The following CDH7 variants were observed in gnomAD, a reference collection of about 807,000 sequenced individuals.
The protein encoded by CDH7 is cadherin-7.
CDH7 carries 25 observed loss-of-function variants against 71.8 expected under a neutral mutation model. The observed-to-expected ratio is 0.35, with a 90% CI of 0.25 to 0.49. The LOEUF is 0.49. CDH7 is among the 20% of genes least tolerant of loss of function. CDH7 has a pLI of 0.99. For synonymous variants in CDH7, 381 were observed against 363.8 expected (o/e 1.05, Z -0.54); for missense variants, 862 against 974.6 (o/e 0.88, Z 1.54).
intron 2 of CDH7, among the ~76,000 whole-genome samples, chr18:65,796,591 C>T (rs1459183142): frequency 2.0e-5 from 3 of 152,100 alleles, no homozygotes; most frequent in Non-Finnish European, 2.9e-5. Context: ...TAGAAGAGAT[C>T]TTTAAGACCC....
chr18:65,781,826 CTTTCTTTCT>C (rs1568181519), intron 2 of CDH7, among the ~76,000 whole-genome samples: 9 of 77,464 alleles, frequency 1.2e-4, no homozygotes, highest in African/African-American at 5.2e-4. Context: ...TTCCTTCTTT[CTTTCTTTCT>C]TTCTTTCTTT....
chr18:65,820,392 A>G (rs114034009), intron 4 of CDH7, among the ~76,000 whole-genome samples: 1,893 of 152,156 alleles, frequency 0.012, 35 homozygotes, highest in African/African-American at 0.043. Flanking sequence ...GTTCAGTCAT[A>G]TGATATTAAC....
intron 7 of CDH7, among the ~76,000 whole-genome samples, chr18:65,853,944 T>C (rs1380150499): frequency 8.9e-6 from 1 of 112,778 alleles, no homozygotes; most frequent in Non-Finnish European, 1.9e-5. Context: ...TATATATATA[T>C]ATATATATAT....
chr18:65,875,989 A>C (rs376655640), intron 11 of CDH7, among the ~76,000 whole-genome samples: 3 of 152,266 alleles, frequency 2.0e-5, no homozygotes, highest in East Asian at 3.9e-4. Flanking sequence ...AATTACATGA[A>C]ATTTGTAAAA....
rs144012234 is a variant in CDH7 at position 65,824,615 on chromosome 18, G to A, written c.794-29G>A. On this transcript the variant is annotated intron_variant, in intron 5 of 11. Coordinates refer to ENST00000397968, the MANE Select transcript of CDH7 (RefSeq NM_004361.5). Reference sequence around the variant, plus strand: ...TTTTTATTGGTTAGTTTGGTGTAACGTGTTCATTTCTTGCTTTGAATTTCA... The same window carrying A: ...TTTTTATTGGTTAGTTTGGTGTAACATGTTCATTTCTTGCTTTGAATTTCA... 1.1e-3 allele frequency: 1,609 copies of A among 1,461,248 alleles called. 8 individuals are homozygous for A. Among genetic ancestry groups the A allele is most frequent in the African/African-American group, 0.01 (725 of 70,508 alleles). The allele number at this position is 1,461,248 out of a possible 1,614,324, so 90.5% of individuals were successfully genotyped here.
At chr18:65,823,504 A>G (rs113817636) in intron 5 of CDH7, among the ~76,000 whole-genome samples, 4 of 152,018 alleles carry the variant, frequency 2.6e-5, no homozygotes, top group Admixed American at 6.6e-5. Context: ...AGCCAGGGAT[A>G]TACCATTGTT....
intron 6 of CDH7, among the ~76,000 whole-genome samples, chr18:65,839,601 G>T (rs559778200): frequency 1.3e-5 from 2 of 152,300 alleles, no homozygotes; most frequent in Admixed American, 1.3e-4. Context: ...GCATGTTAAA[G>T]ATATGTGTGT....
intron 6 of CDH7, among the ~76,000 whole-genome samples, chr18:65,827,705 A>AAT (rs1912183897): frequency 6.6e-6 from 1 of 151,888 alleles, no homozygotes. Flanking sequence ...TAATGTGGAG[A>AAT]ATATATATAC....
At chr18:65,778,623 TAAG>T (rs1426597931) in intron 2 of CDH7, among the ~76,000 whole-genome samples, 1 of 149,722 alleles carries the variant, frequency 6.7e-6, no homozygotes, top group African/African-American at 2.5e-5. Context: ...TTTATCATAT[TAAG>T]AAAAATGGAT....
intron 2 of CDH7, among the ~76,000 whole-genome samples, chr18:65,800,470 G>C (rs766788098): frequency 1.3e-5 from 2 of 152,132 alleles, no homozygotes; most frequent in Non-Finnish European, 2.9e-5. Flanking sequence ...TTGTGTGCTG[G>C]TGGTGTTTCT....
intron 2 of CDH7, among the ~76,000 whole-genome samples, chr18:65,801,497 A>G (rs1911123167): frequency 6.6e-6 from 1 of 152,230 alleles, no homozygotes; most frequent in Admixed American, 6.5e-5. Context: ...TTTTCTAAAT[A>G]AATATTACCG....
chr18:65,860,828 A>G (rs80196288), intron 10 of CDH7, among the ~76,000 whole-genome samples: 1 of 152,184 alleles, frequency 6.6e-6, no homozygotes, highest in Admixed American at 6.5e-5. Flanking sequence ...AAAAATTTCA[A>G]TCTCAAAAAA....
At chr18:65,778,526 ACTCTTTTTTTTTTTT>A (rs908252300) in intron 2 of CDH7, among the ~76,000 whole-genome samples, 6 of 57,718 alleles carry the variant, frequency 1.0e-4, no homozygotes, top group African/African-American at 6.8e-4. Context: ...CAGGCGTCTC[ACTCTTTTTTTTTTTT>A]TTTTTTTTAC....
intron 6 of CDH7, among the ~76,000 whole-genome samples, chr18:65,831,817 A>AG (rs1912360279): frequency 6.6e-6 from 1 of 151,556 alleles, no homozygotes; most frequent in Non-Finnish European, 1.5e-5. Context: ...AAGAAAAAAA[A>AG]AAAAGATAAA....
intron 5 of CDH7, among the ~76,000 whole-genome samples, chr18:65,822,640 T>C (rs964821509): frequency 6.6e-6 from 1 of 152,066 alleles, no homozygotes; most frequent in African/African-American, 2.4e-5. Context: ...TTCTATGCAC[T>C]AAAATATTGA....
At chr18:65,829,312 G>T (rs931666654) in intron 6 of CDH7, among the ~76,000 whole-genome samples, 11 of 151,908 alleles carry the variant, frequency 7.2e-5, no homozygotes, top group African/African-American at 2.4e-4. Flanking sequence ...TAGAGACGGG[G>T]TTTCACCGTG....
chr18:65,820,265 CATAG>C (rs1357564743), intron 4 of CDH7, among the ~76,000 whole-genome samples: 5 of 150,534 alleles, frequency 3.3e-5, no homozygotes, highest in Non-Finnish European at 7.4e-5. Flanking sequence ...TCAAAGAGCC[CATAG>C]ATAGATTTTT....
chr18:65,855,666 C>T (rs748640671), intron 7 of CDH7, among the ~76,000 whole-genome samples: 34 of 152,102 alleles, frequency 2.2e-4, no homozygotes, highest in Middle Eastern at 3.4e-3. Context: ...TTTTACCAAA[C>T]GCTTAAAGAA....
At position 65,809,934 on chromosome 18, in the gene CDH7, C is replaced by T. The variant is rs143932384; in HGVS notation, c.441C>T (p.Asn147=). The change falls in exon 3 of 12, where the codon AAC becomes AAT. Residue 147 remains asparagine (N), a synonymous_variant. Coordinates refer to ENST00000397968, the MANE Select transcript of CDH7 (RefSeq NM_004361.5). ...SEFVIKIQDI[N]DNEPKFLDGP... ...TTGTCATCAAAATTCAGGATATCAA[C>T]GACAATGAACCCAAATTTTTGGATG... The T allele has an allele frequency of 1.4e-5, 23 of 1,613,862 alleles. No homozygotes were observed. In the African/African-American group the frequency reaches 1.5e-4, roughly 10 times the overall value.
Sources: allele counts gnomAD v4.1 joint callset (sites outside exome capture counted in the v4.1 genomes callset), GRCh38; gene constraint gnomAD v4.1.1; transcripts MANE v1.5; gene names NCBI Gene and HGNC (gene_info 2026-07-23, HGNC 2026-07-21).